ZNF483: variants seen among roughly 807,000 people sequenced by gnomAD.
The protein encoded by ZNF483 is zinc finger protein 483, also known as zinc finger protein HIT-10.
A neutral mutation model predicts 28.6 loss-of-function variants in ZNF483; 9 were observed. That is an observed-to-expected ratio of 0.32 (90% CI 0.19 to 0.55). The LOEUF (loss-of-function observed/expected upper bound fraction) is 0.55, where lower values mean the gene tolerates loss of function less well. Ranked by LOEUF, ZNF483 falls within the 20% of genes least tolerant of loss-of-function variation. ZNF483 has a pLI of 0.93. For synonymous variants in ZNF483, 322 were observed against 306.2 expected, an observed-to-expected ratio of 1.05 and a Z score of -0.54; for missense variants, 675 against 871.7, an observed-to-expected ratio of 0.77 and a Z score of 2.84.
At chr9:111,569,787 A>T (rs1450249495) in intron 5 of ZNF483, 2 of 363,164 alleles carry the variant, frequency 5.5e-6, no homozygotes, top group African/African-American at 2.1e-5. Context: ...GGTTTAAGGA[A>T]GAATGGAAAG....
chr9:111,535,770 C>T (rs1267924761), intron 5 of ZNF483, among the ~76,000 whole-genome samples: 1 of 151,674 alleles, frequency 6.6e-6, no homozygotes, highest in Non-Finnish European at 1.5e-5. Context: ...TGGTCTTGAT[C>T]TCCTGACCTC....
In ZNF483 at chr9:111,552,621, T is replaced by C. The variant is rs573383811; in HGVS notation, c.*9451T>C. 1.1e-3 allele frequency among the ~76,000 whole-genome samples: 173 copies of C among 152,334 alleles called. No individual in the cohort carries two copies. Among genetic ancestry groups the C allele is most frequent in the Non-Finnish European group, 2.2e-3 (149 of 68,024 alleles). ...GCCATGAGTTTGAGCCTTTAGGCAA[T>C]GAATTCACATTTCATTGCCTTTACA... On this transcript the variant is annotated 3_prime_UTR_variant, in exon 6 of 6. Coordinates refer to ENST00000309235, the MANE Select transcript of ZNF483 (RefSeq NM_133464.5).
At chr9:111,562,163 G>A (rs940799711) in intron 5 of ZNF483, among the ~76,000 whole-genome samples, 2 of 151,416 alleles carry the variant, frequency 1.3e-5, no homozygotes, top group South Asian at 2.1e-4. Context: ...GTGAGCCACC[G>A]CGCCCGGCCT....
intron 5 of ZNF483, chr9:111,569,902 G>A (rs1828733866): frequency 2.2e-6 from 2 of 892,630 alleles, no homozygotes; most frequent in African/African-American, 1.7e-5. Flanking sequence ...GAACTTTAGA[G>A]AGGGTTGTTT....
downstream of ZNF483, among the ~76,000 whole-genome samples, chr9:111,558,840 C>G (rs1828195961): frequency 4.6e-5 from 7 of 152,156 alleles, no homozygotes; most frequent in Admixed American, 3.3e-4. Flanking sequence ...CAAGGTTCTT[C>G]CCATGTTTGT....
chr9:111,575,575 C>T (rs1210466280), intron 5 of ZNF483: 1 of 152,164 alleles, frequency 6.6e-6, no homozygotes, highest in African/African-American at 2.4e-5. Context: ...AACTGAATCA[C>T]GAGTCCAAAA....
At chr9:111,541,022 A>C in intron 5 of ZNF483, among the ~76,000 whole-genome samples, 1 of 152,134 alleles carries the variant, frequency 6.6e-6, no homozygotes, top group Non-Finnish European at 1.5e-5. Flanking sequence ...GTAAATATTC[A>C]ACAAATGTTT....
chr9:111,551,931 TATTAC>T lies in ZNF483; in HGVS notation c.*8765_*8769del, dbSNP rs1788912007. 6.6e-6 allele frequency among the ~76,000 whole-genome samples: 1 copy of T among 152,232 alleles called. No homozygotes were observed. Among genetic ancestry groups the T allele is most frequent in the South Asian group, 2.1e-4 (1 of 4,836 alleles). On this transcript the variant is annotated 3_prime_UTR_variant, in exon 6 of 6. Coordinates refer to ENST00000309235, the MANE Select transcript of ZNF483 (RefSeq NM_133464.5). ...ATTTTGCTTATTTTTTGCAGCCATT[TATTAC>T]ATTTAAAATTTTGTGCATATTGTCT...
chr9:111,536,398 G>A (rs1034758753), intron 5 of ZNF483, among the ~76,000 whole-genome samples: 5 of 151,716 alleles, frequency 3.3e-5, no homozygotes, highest in Admixed American at 6.6e-5. Flanking sequence ...GGTGGTGGGC[G>A]CCTGTAATCC....
At chr9:111,555,904 A>G (rs1391851108), downstream of ZNF483, among the ~76,000 whole-genome samples, 1 of 152,214 alleles carries the variant, frequency 6.6e-6, no homozygotes, top group East Asian at 1.9e-4. Context: ...TTTCAAAGCT[A>G]ATCATGCCTT....
intron 5 of ZNF483, chr9:111,563,187 G>A (rs1374231687): frequency 6.2e-7 from 1 of 1,613,894 alleles, no homozygotes; most frequent in Non-Finnish European, 8.5e-7. Context: ...CAGCTGGCAT[G>A]TTTTCAAATC....
At chr9:111,557,377 T>TA (rs201364819), downstream of ZNF483, among the ~76,000 whole-genome samples, 15,048 of 143,888 alleles carry the variant, frequency 0.1, 837 homozygotes, top group East Asian at 0.26. Context: ...CCATCTCCAG[T>TA]AAAAAAAAAA....
At position 111,534,369 on chromosome 9, in the gene ZNF483, A is replaced by T; in HGVS notation, c.721+16A>T. 6.2e-7 allele frequency: 1 copy of T among 1,606,742 alleles called. No individual in the cohort carries two copies. The highest frequency in any genetic ancestry group is 8.5e-7 in the Non-Finnish European group (1 of 1,173,406). On this transcript the variant is annotated intron_variant, in intron 5 of 5. Transcript: ENST00000309235. Reference sequence around the variant, plus strand: ...TCCCGACTAGGTGAGTTGGTGAAAAATACACAACGAAATTAAAGCAGTTGT... The same window carrying T: ...TCCCGACTAGGTGAGTTGGTGAAAATTACACAACGAAATTAAAGCAGTTGT...
intron 1 of ZNF483, among the ~76,000 whole-genome samples, chr9:111,525,875 G>A (rs1589263866): frequency 1.3e-5 from 2 of 152,220 alleles, no homozygotes; most frequent in African/African-American, 2.4e-5. Context: ...TCGGAAGTGG[G>A]TTGTTATTGG....
At chr9:111,559,442 G>A (rs1828212509), downstream of ZNF483, among the ~76,000 whole-genome samples, 1 of 151,962 alleles carries the variant, frequency 6.6e-6, no homozygotes, top group South Asian at 2.1e-4. Flanking sequence ...CCACACGGAT[G>A]ACTTCACTGT....
chr9:111,557,274 T>C (rs556487238), downstream of ZNF483, among the ~76,000 whole-genome samples: 62 of 151,760 alleles, frequency 4.1e-4, no homozygotes, highest in African/African-American at 1.4e-3. Flanking sequence ...CTTGGGAGGC[T>C]GAGGTGGGAG....
Position 111,542,727 on chromosome 9 carries a change from CAG to C in ZNF483, c.1796_1797del (p.Arg599AsnfsTer11), listed in dbSNP as rs1827705335. 1 of 1,614,028 alleles carries C rather than the reference CAG, an allele frequency of 6.2e-7. No homozygotes were observed. Among genetic ancestry groups the C allele is most frequent in the African/African-American group, 1.3e-5 (1 of 74,916 alleles). ...FRQNSCLTRHQRIHTGEKPYL... is the reference protein window; with the variant it reads ...FRQNSCLTRHXRIHTGEKPYL... ...GCAGAATTCATGCCTTACCCGGCATCAGAGAATTCACACTGGAGAAAAACCAT... is the reference window on the plus strand; with the variant it reads ...GCAGAATTCATGCCTTACCCGGCATCAGAATTCACACTGGAGAAAAACCAT... On this transcript the variant is annotated frameshift_variant, in exon 6 of 6. Coordinates refer to ENST00000309235, the MANE Select transcript of ZNF483 (RefSeq NM_133464.5). LOFTEE classifies it low-confidence loss of function (END_TRUNC). This position sits in a 1 kb window ranked among gnomAD's most constrained non-coding sequence, Gnocchi z 6.2.
intron 5 of ZNF483, chr9:111,574,980 G>A (rs1314576974): frequency 3.1e-6 from 2 of 647,654 alleles, no homozygotes; most frequent in Admixed American, 6.3e-5. Context: ...CAGTGCAGAA[G>A]ACTGCAGTTA....
At chr9:111,560,422 C>T (rs1311818523) in intron 5 of ZNF483, among the ~76,000 whole-genome samples, 4 of 132,826 alleles carry the variant, frequency 3.0e-5, no homozygotes, top group African/African-American at 5.8e-5. Flanking sequence ...TGCACTGAGC[C>T]GAGATCAGGC....
Sources: allele counts gnomAD v4.1 joint callset (sites outside exome capture counted in the v4.1 genomes callset), GRCh38; gene constraint gnomAD v4.1.1; non-coding constraint Gnocchi (gnomAD v3.1); transcripts MANE v1.5; gene names NCBI Gene and HGNC (gene_info 2026-07-23, HGNC 2026-07-21).